DNAJB12: variants seen among roughly 807,000 people sequenced by gnomAD.
DNAJB12 encodes the protein dnaJ homolog subfamily B member 12.
A neutral mutation model predicts 40.6 loss-of-function variants in DNAJB12; 14 were observed. The ratio of observed to expected loss-of-function variants is 0.34; its 90% CI spans 0.23 to 0.54. The LOEUF (loss-of-function observed/expected upper bound fraction) is 0.54. Ranked by LOEUF, DNAJB12 falls within the 20% of genes least tolerant of loss-of-function variation. The pLI is 0.92. For missense variants in DNAJB12, 444 were observed against 501.7 expected, an observed-to-expected ratio of 0.89 and a Z score of 1.10; for synonymous variants, 181 against 199.5, an observed-to-expected ratio of 0.91 and a Z score of 0.78.
In DNAJB12 at chr10:72,335,979, G is replaced by A. The variant is rs768962098; in HGVS notation, c.1007-48C>T. ...TAGTGCACACCCAGTACCTCCCGAA[G>A]CCTGCAAGGAAGCCTGCGAGGGCTG... On this transcript the variant is annotated intron_variant, in intron 7 of 8. Coordinates refer to ENST00000444643, the MANE Select transcript of DNAJB12 (RefSeq NM_017626.7). The surrounding 1 kb of genome is among the most constrained non-coding windows in gnomAD (Gnocchi z 4.4). The A allele has an allele frequency of 6.2e-7, 1 of 1,607,624 alleles. No individual in the cohort carries two copies. The highest frequency in any genetic ancestry group is 1.1e-5 in the South Asian group (1 of 90,570).
chr10:72,351,669 G>A (rs1861938973), intron 1 of DNAJB12, among the ~76,000 whole-genome samples: 1 of 152,220 alleles, frequency 6.6e-6, no homozygotes, highest in East Asian at 1.9e-4. Flanking sequence ...GCCTTTGCCT[G>A]TGGGCTCAGG....
At chr10:72,340,035 T>C (rs1325758933) in intron 5 of DNAJB12, among the ~76,000 whole-genome samples, 1 of 152,184 alleles carries the variant, frequency 6.6e-6, no homozygotes, top group Non-Finnish European at 1.5e-5. Flanking sequence ...TCGGCACCTA[T>C]GTTGTCATCC....
intron 5 of DNAJB12, among the ~76,000 whole-genome samples, 184 bp from the exon 6 acceptor site, chr10:72,338,495 G>A (rs539605847): frequency 1.6e-4 from 24 of 151,526 alleles, no homozygotes; most frequent in Admixed American, 1.2e-3. Flanking sequence ...TAAAAACAAA[G>A]CAGCAACTGG....
intron 2 of DNAJB12, 69 bp from the exon 3 acceptor site, chr10:72,343,580 C>A (rs1186681057): frequency 1.3e-6 from 2 of 1,551,552 alleles, no homozygotes; most frequent in Admixed American, 3.4e-5. Context: ...GATGAACAGG[C>A]CGTGTGGGGC....
chr10:72,342,909 G>A (rs986404066), intron 3 of DNAJB12, among the ~76,000 whole-genome samples: 1 of 152,238 alleles, frequency 6.6e-6, no homozygotes, highest in African/African-American at 2.4e-5. Flanking sequence ...GTATAGGTAT[G>A]GCGGGGGAGC....
In DNAJB12 at chr10:72,350,248, A is replaced by C. The variant is rs191774422; in HGVS notation, c.133+4517T>G. Among the ~76,000 whole-genome samples the C allele has an allele frequency of 8.7e-4, 133 of 152,024 alleles. 1 individual carries two copies. In the Middle Eastern group the frequency reaches 0.01, roughly 12 times the overall value. On this transcript the variant is annotated intron_variant, in intron 1 of 8. Coordinates refer to ENST00000444643, the MANE Select transcript of DNAJB12 (RefSeq NM_017626.7). ...GACCCTGTCTCTACGAAAATAAAAA[A>C]ATTAGCCAGGTGTGGTGGCACATGC...
chr10:72,338,455 G>A, intron 5 of DNAJB12, 144 bp from the exon 6 acceptor site: 2 of 587,584 alleles, frequency 3.4e-6, no homozygotes, highest in Non-Finnish European at 5.9e-6. Context: ...CCAAAACACA[G>A]ACGCTCCTTC....
chr10:72,354,912 G>A lies in DNAJB12; in HGVS notation c.-15C>T, dbSNP rs200435722. The A allele has an allele frequency of 9.3e-6, 15 of 1,613,870 alleles. No individual in the cohort carries two copies. The highest frequency in any genetic ancestry group is 4.5e-5 in the East Asian group (2 of 44,864). On this transcript the variant is annotated 5_prime_UTR_variant, in exon 1 of 9. Transcript: ENST00000444643. ...TTGGATTCCATGGCGGAACCAGAAC[G>A]CGGAACCAGGGAGGGGGAGGCCGGG... is the stretch of plus-strand genomic sequence containing the variant.
At chr10:72,336,010 G>A in intron 7 of DNAJB12, 79 bp from the exon 8 acceptor site, 1 of 1,571,196 alleles carries the variant, frequency 6.4e-7, no homozygotes, top group Non-Finnish European at 8.7e-7. Context: ...GGCTGTGGAG[G>A]GCGGAGGAAA....
rs1196508992 is a variant in DNAJB12, at chr10:72,341,092, T to G, written c.536A>C (p.Gln179Pro). ...ATGCCCATGGCCGTGCCGGGCCGCC[T>G]GGCTCTTGTCATCGCCGAACTGGTC... ...QYDQFGDDKSQAARHGHGHGD... is the reference protein window; with the variant it reads ...QYDQFGDDKSPAARHGHGHGD... The change falls in exon 4 of 9, where the codon CAG becomes CCG. Residue 179 changes from glutamine to proline, a missense_variant. Coordinates refer to ENST00000444643, the MANE Select transcript of DNAJB12 (RefSeq NM_017626.7). 6.2e-7 allele frequency: 1 copy of G among 1,614,208 alleles called. No individual in the cohort carries two copies. The highest frequency in any genetic ancestry group is 2.2e-5 in the East Asian group (1 of 44,878).
chr10:72,348,094 G>A (rs1353754935), intron 1 of DNAJB12, among the ~76,000 whole-genome samples: 1 of 151,680 alleles, frequency 6.6e-6, no homozygotes, highest in Admixed American at 6.6e-5. Context: ...GTGGTGGCAG[G>A]CGCCTGTAAT....
chr10:72,335,916 T>C lies in DNAJB12; in HGVS notation c.1022A>G (p.Tyr341Cys). 6.2e-7 allele frequency: 1 copy of C among 1,614,074 alleles called. No individual in the cohort carries two copies. The highest frequency in any genetic ancestry group is 8.5e-7 in the Non-Finnish European group (1 of 1,179,976). The change falls in exon 8 of 9, where the codon TAC (tyrosine) becomes TGC (cysteine). Residue 341 changes from tyrosine (Y) to cysteine (C), a missense_variant. Tyr to Cys is a radical substitution (Grantham distance 194, BLOSUM62 -2). Coordinates refer to ENST00000444643, the MANE Select transcript of DNAJB12 (RefSeq NM_017626.7). The surrounding 1 kb of genome is among the most constrained non-coding windows in gnomAD (Gnocchi z 4.4). The stretch of plus-strand genomic sequence containing the variant: ...TGTGTCGCCAAAGTAGCGTGCCCGG[T>C]ACAGCAAGCCTTCCTCTGCAAAGCA... ...KEKQQKEGLL[Y>C]RARYFGDTDM...
intron 1 of DNAJB12, among the ~76,000 whole-genome samples, chr10:72,347,914 G>GAAAAAC (rs1380050623): frequency 6.8e-6 from 1 of 147,098 alleles, no homozygotes; most frequent in Non-Finnish European, 1.5e-5. Flanking sequence ...CTCTGTCTCA[G>GAAAAAC]AAAAACAAAA....
At chr10:72,338,111 G>T (rs1861529454) in intron 6 of DNAJB12, 91 bp downstream of exon 6, 26 of 1,085,868 alleles carry the variant, frequency 2.4e-5, no homozygotes, top group Middle Eastern at 2.7e-4. Flanking sequence ...TCGCACACTG[G>T]CTGGATCAGG....
chr10:72,341,009 A>T lies in DNAJB12; in HGVS notation c.619T>A (p.Phe207Ile). 6.2e-7 allele frequency: 1 copy of T among 1,613,812 alleles called. No individual in the cohort carries two copies. The highest frequency in any genetic ancestry group is 8.5e-7 in the Non-Finnish European group (1 of 1,179,810). The change falls in exon 4 of 9, where the codon TTC (phenylalanine) becomes ATC (isoleucine). Residue 207 changes from phenylalanine (F) to isoleucine (I), a missense_variant. Physicochemically the swap from Phe to Ile is conservative, Grantham distance 21. Transcript: ENST00000444643. Reference protein sequence around the residue: ...DISPEDLFNMFFGGGFPSSNV... With the variant: ...DISPEDLFNMIFGGGFPSSNV... The stretch of plus-strand genomic sequence containing the variant: ...CTAGAAGGGAAGCCGCCGCCAAAGA[A>T]CATGTTGAAGAGGTCTTCAGGGGAG...
chr10:72,334,402 C>G lies in DNAJB12; in HGVS notation c.*246G>C. 1 of 708,618 alleles carries G rather than the reference C, an allele frequency of 1.4e-6. No individual in the cohort carries two copies. The allele number at this position is 708,618 out of a possible 1,614,324, so 43.9% of individuals were successfully genotyped here. ...CTAGGAGAGAGGCGATGCGGAGCCT[C>G]CGCCAGCCCTGCGAGGGAGGGAAGC... On this transcript the variant is annotated 3_prime_UTR_variant, in exon 9 of 9. Transcript: ENST00000444643.
intron 7 of DNAJB12, among the ~76,000 whole-genome samples, 189 bp from the exon 8 acceptor site, chr10:72,336,120 C>T (rs922206379): frequency 9.2e-5 from 14 of 152,156 alleles, no homozygotes; most frequent in Admixed American, 3.9e-4. Flanking sequence ...GTGACAGAGG[C>T]GCCTTTCTCT....
chr10:72,350,532 C>T (rs1304867251), intron 1 of DNAJB12, among the ~76,000 whole-genome samples: 1 of 151,664 alleles, frequency 6.6e-6, no homozygotes, highest in Non-Finnish European at 1.5e-5. Flanking sequence ...ATCATACAGG[C>T]TAAAAGAGGA....
chr10:72,343,638 G>T, intron 2 of DNAJB12, 127 bp from the exon 3 acceptor site: 2 of 984,294 alleles, frequency 2.0e-6, no homozygotes, highest in Non-Finnish European at 1.5e-6. Context: ...AAGGCTGACA[G>T]CTCCTTGGGT....
Sources: gnomAD v4.1 joint callset for allele counts (sites outside exome capture counted in the v4.1 genomes callset) on GRCh38, gnomAD v4.1.1 for gene constraint, Gnocchi (gnomAD v3.1) non-coding constraint, MANE v1.5 for transcripts, NCBI Gene and HGNC (gene_info 2026-07-23, HGNC 2026-07-21) for gene names.